Variants in TNRC6B observed in about 807,000 individuals in gnomAD.
TNRC6B encodes the protein trinucleotide repeat containing adaptor 6B.
TNRC6B carries 52 observed loss-of-function variants against 203.6 expected under a neutral mutation model. The observed-to-expected ratio is 0.26, with a 90% confidence interval of 0.20 to 0.32. The LOEUF (loss-of-function observed/expected upper bound fraction) is 0.32, where lower values mean the gene tolerates loss of function less well. Among genes scored for constraint, TNRC6B ranks in the 10% least tolerant of loss-of-function variants. The probability of loss-of-function intolerance (pLI) is 1.00; values close to 1 mark genes in which losing one functional copy is unlikely to be tolerated. For missense variants in TNRC6B, 1,923 were observed against 2,286.2 expected (o/e 0.84, Z 3.24); for synonymous variants, 838 against 845.7 (o/e 0.99, Z 0.16).
chr22:40,252,964 G>T (rs996784604), intron 3 of TNRC6B, among the ~76,000 whole-genome samples: 4 of 152,146 alleles, frequency 2.6e-5, no homozygotes, highest in African/African-American at 9.7e-5. Context: ...ATGGTGGTTG[G>T]GTTCCTAGGC....
chr22:40,293,736 G>A (rs1026455065), intron 12 of TNRC6B, among the ~76,000 whole-genome samples: 9 of 152,028 alleles, frequency 5.9e-5, no homozygotes, highest in Non-Finnish European at 1.0e-4. Flanking sequence ...ACAGCAGCAG[G>A]GTCTGGGCCT....
chr22:40,264,575 C>G, intron 4 of TNRC6B, 113 bp from the exon 5 acceptor site: 1 of 1,175,208 alleles, frequency 8.5e-7, no homozygotes, highest in Admixed American at 3.1e-5. Flanking sequence ...TTGAGAGAAA[C>G]TGGCATGTGA....
At chr22:40,189,969 T>C (rs1166277324) in intron 1 of TNRC6B, among the ~76,000 whole-genome samples, 1 of 152,228 alleles carries the variant, frequency 6.6e-6, no homozygotes, top group Admixed American at 6.5e-5. Flanking sequence ...TTAAATTGAA[T>C]AAAGCTTTAT....
intron 12 of TNRC6B, among the ~76,000 whole-genome samples, chr22:40,293,150 A>G (rs1159798836): frequency 7.4e-6 from 1 of 134,834 alleles, no homozygotes; most frequent in Non-Finnish European, 1.6e-5. Context: ...TTGCTTCTAG[A>G]TGTTTGTTGT....
chr22:40,248,051 G>T (rs772908642), intron 2 of TNRC6B, among the ~76,000 whole-genome samples: 10 of 151,880 alleles, frequency 6.6e-5, no homozygotes, highest in Non-Finnish European at 1.5e-4. Flanking sequence ...CCCCAGCCTG[G>T]GTGACAGAGT....
chr22:40,248,154 C>A (rs2070135247), intron 2 of TNRC6B, among the ~76,000 whole-genome samples: 1 of 152,054 alleles, frequency 6.6e-6, no homozygotes, highest in African/African-American at 2.4e-5. Flanking sequence ...TGGCCACATG[C>A]CCTGTCACTG....
At chr22:40,249,048 A>G (rs746658780) in intron 2 of TNRC6B, among the ~76,000 whole-genome samples, 3 of 152,196 alleles carry the variant, frequency 2.0e-5, no homozygotes, top group Non-Finnish European at 2.9e-5. Flanking sequence ...CGTGCCAGAG[A>G]TCTATCATGT....
At chr22:40,136,431 C>G (rs562149093) in intron 3 of TNRC6B, among the ~76,000 whole-genome samples, 1 of 137,326 alleles carries the variant, frequency 7.3e-6, no homozygotes, top group African/African-American at 2.6e-5. Context: ...CAGAGTGTTG[C>G]TCTGTCGCGT....
At chr22:40,158,168 T>C (rs1398887810) in intron 4 of TNRC6B, among the ~76,000 whole-genome samples, 1 of 151,824 alleles carries the variant, frequency 6.6e-6, no homozygotes, top group African/African-American at 2.4e-5. Flanking sequence ...TGAAACCCTG[T>C]CTCTAGTAAA....
At chr22:40,132,164 A>G (rs1004020921) in intron 3 of TNRC6B, among the ~76,000 whole-genome samples, 2 of 152,194 alleles carry the variant, frequency 1.3e-5, no homozygotes, top group Non-Finnish European at 2.9e-5. Context: ...CCTGGCCAAC[A>G]TAGCAAAACC....
At chr22:40,062,243 C>T (rs921433675) in intron 1 of TNRC6B, among the ~76,000 whole-genome samples, 2 of 151,966 alleles carry the variant, frequency 1.3e-5, no homozygotes, top group Non-Finnish European at 2.9e-5. Context: ...CTCTGTTGCC[C>T]AGGCTGGAGT....
At chr22:40,180,087 C>A (rs2069113023) in intron 1 of TNRC6B, among the ~76,000 whole-genome samples, 1 of 152,048 alleles carries the variant, frequency 6.6e-6, no homozygotes. Context: ...ACAAAGTTGT[C>A]TCTAAATTTT....
chr22:40,098,836 T>C (rs2068209078), intron 1 of TNRC6B, among the ~76,000 whole-genome samples: 1 of 152,154 alleles, frequency 6.6e-6, no homozygotes, highest in Admixed American at 6.5e-5. Context: ...CAAGTGATCC[T>C]CCTGCCTCAG....
chr22:40,056,929 A>G (rs2067801843), intron 1 of TNRC6B, among the ~76,000 whole-genome samples: 1 of 152,242 alleles, frequency 6.6e-6, no homozygotes, highest in African/African-American at 2.4e-5. Context: ...AGGCCACCAG[A>G]TTCCTCCCAT....
chr22:40,107,580 G>A (rs1247225566), intron 1 of TNRC6B, among the ~76,000 whole-genome samples: 1 of 151,934 alleles, frequency 6.6e-6, no homozygotes, highest in Admixed American at 6.6e-5. Context: ...TATTTTAAGA[G>A]ACCAAAAAGA....
At chr22:40,084,789 G>A (rs1051349672) in intron 1 of TNRC6B, among the ~76,000 whole-genome samples, 2 of 152,192 alleles carry the variant, frequency 1.3e-5, no homozygotes, top group African/African-American at 4.8e-5. Context: ...TGAGGTTAGA[G>A]TGCAGTAGGA....
intron 3 of TNRC6B, among the ~76,000 whole-genome samples, chr22:40,151,010 A>G (rs9611278): frequency 6.6e-6 from 1 of 152,204 alleles, no homozygotes; most frequent in Non-Finnish European, 1.5e-5. Context: ...CAGTGGATAG[A>G]CAAGAATGAT....
intron 1 of TNRC6B, among the ~76,000 whole-genome samples, chr22:40,113,931 G>A (rs2068364497): frequency 6.6e-6 from 1 of 152,080 alleles, no homozygotes; most frequent in African/African-American, 2.4e-5. Flanking sequence ...GGCAGACAGG[G>A]TTTTCAGAGT....
At chr22:40,229,294 A>G (rs573483077) in intron 1 of TNRC6B, among the ~76,000 whole-genome samples, 19 of 152,348 alleles carry the variant, frequency 1.2e-4, no homozygotes, top group African/African-American at 1.9e-4. Flanking sequence ...TTATCTGTGC[A>G]GAAGTTCTGA....
Sources: allele counts gnomAD v4.1 joint callset (sites outside exome capture counted in the v4.1 genomes callset), GRCh38; gene constraint gnomAD v4.1.1; transcripts MANE v1.5; gene names NCBI Gene and HGNC (gene_info 2026-07-23, HGNC 2026-07-21).